The following SAMM50 variants were observed in gnomAD, a reference collection of about 807,000 sequenced individuals.
SAMM50 encodes sorting and assembly machinery component 50 homolog.
In SAMM50, 47 loss-of-function variants were observed where a neutral mutation model predicts 66.9. The ratio of observed to expected loss-of-function variants is 0.70; its 90% CI spans 0.56 to 0.90. The LOEUF (loss-of-function observed/expected upper bound fraction) is 0.90, where lower values mean the gene tolerates loss of function less well. Among genes scored for constraint, SAMM50 ranks in the 40% least tolerant of loss-of-function variants. The pLI is 0.00. For synonymous variants in SAMM50, 191 were observed against 214.1 expected (o/e 0.89, Z 0.94); for missense variants, 535 against 595.3 (o/e 0.90, Z 1.05).
chr22:43,990,839 A>T (rs1456710985), intron 14 of SAMM50, among the ~76,000 whole-genome samples: 1 of 152,220 alleles, frequency 6.6e-6, no homozygotes, highest in African/African-American at 2.4e-5. Flanking sequence ...TCTCTACAGC[A>T]GAGGAACCCA....
At chr22:43,990,125 T>C (rs759879564) in intron 13 of SAMM50, 140 bp from the exon 14 acceptor site, 15 of 897,736 alleles carry the variant, frequency 1.7e-5, no homozygotes, top group Non-Finnish European at 2.0e-5. Context: ...TCTCACTTCA[T>C]GCATCCTCCC....
chr22:43,985,720 A>G (rs1275787790), intron 12 of SAMM50, among the ~76,000 whole-genome samples: 4 of 151,944 alleles, frequency 2.6e-5, no homozygotes, highest in African/African-American at 9.7e-5. Context: ...CTGCTGAGTC[A>G]GTGCCGGGGA....
chr22:43,964,574 G>A lies in SAMM50; in HGVS notation c.234+21G>A, dbSNP rs749737542. The A allele has an allele frequency of 8.4e-6, 11 of 1,307,528 alleles. No homozygotes were observed. The African/African-American group carries it at 1.2e-4, about 14-fold the overall frequency. 81.0% of individuals were successfully genotyped at this position (1,307,528 alleles called of 1,614,324 possible). A position where few individuals can be genotyped will look rare whatever the true frequency, so the allele number is the denominator to read the frequency against. ...TTGAGGTAGGTGTGGTCTCTACATG[G>A]TGTGCTTTCCCAGTCTCTTCTGAAG... On this transcript the variant is annotated intron_variant, in intron 3 of 14. Transcript: ENST00000350028.
intron 4 of SAMM50, among the ~76,000 whole-genome samples, chr22:43,971,511 G>A (rs185190242): frequency 2.6e-5 from 4 of 152,262 alleles, no homozygotes; most frequent in East Asian, 3.9e-4. Flanking sequence ...ACTTATCTTC[G>A]AGGGTTACTG....
chr22:43,976,490 C>G (rs1300269234), intron 8 of SAMM50, among the ~76,000 whole-genome samples: 1 of 152,216 alleles, frequency 6.6e-6, no homozygotes. Flanking sequence ...AGAGAACGAA[C>G]CCGGTGGTGG....
rs2050113777 is a variant in SAMM50 at position 43,955,486 on chromosome 22, G to T, written c.-92G>T. On this transcript the variant is annotated 5_prime_UTR_variant, in exon 1 of 15. Transcript: ENST00000350028. ...TTTGTGGGAGTTGCCTTGACCTGCA[G>T]CTCCGCCACCGCGGACCCGCCTTCT... The T allele has an allele frequency of 1.4e-6, 2 of 1,464,138 alleles. No homozygotes were observed. The highest frequency in any genetic ancestry group is 1.9e-6 in the Non-Finnish European group (2 of 1,070,966). The allele number at this position is 1,464,138 out of a possible 1,614,324, so 90.7% of individuals were successfully genotyped here.
chr22:43,972,984 C>T lies in SAMM50; in HGVS notation c.543C>T (p.Pro181=), dbSNP rs371328727. ...SYGLSFFKPR[P]GNFERNFSVN... is the part of the protein sequence containing the mutation. ...GCCTGTCCTTCTTCAAACCACGGCC[C>T]GGAAACTTCGAAAGAAAGTAGGAAG... The change falls in exon 6 of 15, where the codon CCC becomes CCT. Residue 181 remains proline (P), a synonymous_variant. Coordinates refer to ENST00000350028, the MANE Select transcript of SAMM50 (RefSeq NM_015380.5). 22 of 1,589,898 alleles carry T rather than the reference C, an allele frequency of 1.4e-5. No individual in the cohort carries two copies. Among genetic ancestry groups the T allele is most frequent in the South Asian group, 2.3e-5 (2 of 85,228 alleles).
intron 1 of SAMM50, among the ~76,000 whole-genome samples, chr22:43,958,882 C>G (rs1358538741): frequency 2.0e-5 from 3 of 152,128 alleles, no homozygotes; most frequent in African/African-American, 7.2e-5. Context: ...TAGCCAGTGT[C>G]TTTCAGACTT....
chr22:43,955,712 C>A, intron 1 of SAMM50, 114 bp downstream of exon 1: 1 of 1,210,484 alleles, frequency 8.3e-7, no homozygotes, highest in Non-Finnish European at 1.1e-6. Context: ...GAGAGGGTGC[C>A]AAGGGTGCCG....
chr22:43,996,182 G>A, intron 14 of SAMM50, 156 bp from the exon 15 acceptor site: 10 of 776,678 alleles, frequency 1.3e-5, no homozygotes, highest in Non-Finnish European at 2.1e-5. Context: ...GGAAGCAGCC[G>A]GGGCCGGTGA....
At chr22:43,978,061 C>T in intron 10 of SAMM50, 103 bp downstream of exon 10, 3 of 763,124 alleles carry the variant, frequency 3.9e-6, no homozygotes, top group South Asian at 1.7e-5. Flanking sequence ...GAGTGGAAGC[C>T]TGGGCGGTAA....
intron 4 of SAMM50, among the ~76,000 whole-genome samples, chr22:43,970,325 G>A (rs996887911): frequency 2.0e-5 from 3 of 152,106 alleles, no homozygotes; most frequent in Admixed American, 6.6e-5. Context: ...GTGGTGCTTC[G>A]TTCCCTGAAG....
At position 43,976,155 on chromosome 22, in the gene SAMM50, G is replaced by A. The variant is rs1292436268; in HGVS notation, c.749G>A (p.Ser250Asn). The part of the protein sequence containing the change: ...RTASFAVRKE[S>N]GHSLKSSLSH... Reference sequence around the variant, plus strand: ...GCGTCATTTGCTGTTCGAAAAGAAAGCGGACATTCACTGAAATCATCTCTT... The same window carrying A: ...GCGTCATTTGCTGTTCGAAAAGAAAACGGACATTCACTGAAATCATCTCTT... The change falls in exon 8 of 15, where the codon AGC (serine) becomes AAC (asparagine). Residue 250 changes from serine to asparagine, a missense_variant. Transcript: ENST00000350028. 1 of 1,607,766 alleles carries A rather than the reference G, an allele frequency of 6.2e-7. No individual in the cohort carries two copies. Among genetic ancestry groups the A allele is most frequent in the Non-Finnish European group, 8.5e-7 (1 of 1,174,748 alleles).
chr22:43,977,945 T>G lies in SAMM50; in HGVS notation c.923T>G (p.Leu308Arg). 6.2e-7 allele frequency: 1 copy of G among 1,611,388 alleles called. No individual in the cohort carries two copies. The highest frequency in any genetic ancestry group is 8.5e-7 in the Non-Finnish European group (1 of 1,177,994). The change falls in exon 10 of 15, where the codon CTC becomes CGC. Residue 308 changes from leucine (L) to arginine (R), a missense_variant. Physicochemically the swap from Leu to Arg is moderately radical, Grantham distance 102. Coordinates refer to ENST00000350028, the MANE Select transcript of SAMM50 (RefSeq NM_015380.5). ...TTTGAACTTCAGTTGAACAAGCAACTCATATTTGATTCAGTGAGTATCTAA... is the reference window on the plus strand; with the variant it reads ...TTTGAACTTCAGTTGAACAAGCAACGCATATTTGATTCAGTGAGTATCTAA... The part of the protein sequence containing the change: ...EDFELQLNKQ[L>R]IFDSVFSASF...
intron 11 of SAMM50, among the ~76,000 whole-genome samples, chr22:43,982,118 C>A (rs534524780): frequency 6.6e-6 from 1 of 152,124 alleles, no homozygotes; most frequent in South Asian, 2.1e-4. Flanking sequence ...TTTTTTTCAA[C>A]CCTGCATTAG....
intron 1 of SAMM50, chr22:43,957,076 G>T: frequency 9.9e-7 from 1 of 1,015,218 alleles, no homozygotes. Context: ...TATAAGTGGA[G>T]TCTCCGGAAC....
At chr22:43,969,498 C>G (rs140840233) in intron 4 of SAMM50, among the ~76,000 whole-genome samples, 74 of 152,186 alleles carry the variant, frequency 4.9e-4, no homozygotes, top group African/African-American at 1.8e-3. Flanking sequence ...GGGCTTCGGT[C>G]AGTGGGGCTG....
chr22:43,964,467 G>C lies in SAMM50; in HGVS notation c.148G>C (p.Val50Leu). The change falls in exon 3 of 15, where the codon GTT becomes CTT. Residue 50 changes from valine (V) to leucine (L), a missense_variant. Val to Leu is a conservative substitution (Grantham distance 32). Transcript: ENST00000350028. Reference protein sequence around the residue: ...LENKDVVVQHVHFDGLGRTKD... With the variant: ...LENKDVVVQHLHFDGLGRTKD... ...TGACTTTTAGGTGGTTGTTCAACAT[G>C]TTCATTTTGATGGACTTGGAAGGAC... 3 of 1,607,200 alleles carry C rather than the reference G, an allele frequency of 1.9e-6. No homozygotes were observed. Among genetic ancestry groups the C allele is most frequent in the Non-Finnish European group, 2.6e-6 (3 of 1,173,902 alleles).
chr22:43,957,215 C>A, intron 1 of SAMM50: 2 of 674,876 alleles, frequency 3.0e-6, no homozygotes, highest in Non-Finnish European at 2.7e-6. Context: ...TCAAACAAAG[C>A]CAGAGTAATC....
Sources: allele counts gnomAD v4.1 joint callset (sites outside exome capture counted in the v4.1 genomes callset), GRCh38; gene constraint gnomAD v4.1.1; transcripts MANE v1.5; gene names NCBI Gene and HGNC (gene_info 2026-07-23, HGNC 2026-07-21).